Variants in WDPCP observed in about 807,000 individuals in gnomAD.
The protein encoded by WDPCP is WD repeat-containing and planar cell polarity effector protein fritz homolog.
In WDPCP, 71 loss-of-function variants were observed where a neutral mutation model predicts 93.1. That is an observed-to-expected ratio of 0.76 (90% CI 0.63 to 0.93). The LOEUF (loss-of-function observed/expected upper bound fraction) is 0.93, where lower values mean the gene tolerates loss of function less well. WDPCP is among the 40% of genes least tolerant of loss of function. The pLI is 0.00. For missense variants in WDPCP, 844 were observed against 887.4 expected (o/e 0.95, Z 0.62); for synonymous variants, 315 against 315.0 (o/e 1.00, Z 0.00).
At chr2:63,776,991 T>C (rs1209189956) in intron 2 of WDPCP, among the ~76,000 whole-genome samples, 1 of 152,190 alleles carries the variant, frequency 6.6e-6, no homozygotes, top group Admixed American at 6.6e-5. Context: ...TAAGTTCTGG[T>C]GTCCTATTGC....
chr2:63,764,479 A>G (rs535857980), intron 2 of WDPCP, among the ~76,000 whole-genome samples: 6 of 152,124 alleles, frequency 3.9e-5, no homozygotes, highest in Non-Finnish European at 8.8e-5. Context: ...GGAAGACCAA[A>G]ATGTCAACTG....
intron 2 of WDPCP, among the ~76,000 whole-genome samples, chr2:63,790,786 G>A (rs1028296133): frequency 9.9e-5 from 15 of 152,106 alleles, no homozygotes; most frequent in South Asian, 4.1e-4. Context: ...AATGACATAA[G>A]GAAAATAACT....
intron 12 of WDPCP, among the ~76,000 whole-genome samples, chr2:63,327,002 T>G (rs1386706576): frequency 6.6e-6 from 1 of 152,136 alleles, no homozygotes; most frequent in East Asian, 1.9e-4. Context: ...CCCATAGCCT[T>G]CCTATCAAAA....
intron 2 of WDPCP, among the ~76,000 whole-genome samples, chr2:63,729,755 A>T (rs1448473603): frequency 6.6e-6 from 1 of 152,198 alleles, no homozygotes; most frequent in East Asian, 1.9e-4. Context: ...AGCAGTTTTA[A>T]CCAAATTTCT....
intron 12 of WDPCP, among the ~76,000 whole-genome samples, chr2:63,340,602 G>A (rs1327026074): frequency 3.9e-5 from 6 of 152,152 alleles, no homozygotes; most frequent in Non-Finnish European, 8.8e-5. Context: ...TTCCAGTATA[G>A]AAACTGTGAA....
At chr2:63,346,038 A>T (rs1689169167) in intron 12 of WDPCP, among the ~76,000 whole-genome samples, 1 of 152,190 alleles carries the variant, frequency 6.6e-6, no homozygotes, top group African/African-American at 2.4e-5. Flanking sequence ...GATTAAGAGG[A>T]TGCTTGAACA....
intron 14 of WDPCP, among the ~76,000 whole-genome samples, chr2:63,231,197 T>C (rs561169180): frequency 1.1e-4 from 17 of 152,248 alleles, no homozygotes; most frequent in African/African-American, 3.6e-4. Flanking sequence ...ATAAGAGCTA[T>C]TTATGACAAA....
chr2:63,136,534 A>G (rs1457974426), intron 17 of WDPCP, among the ~76,000 whole-genome samples: 1 of 152,164 alleles, frequency 6.6e-6, no homozygotes, highest in Admixed American at 6.5e-5. Context: ...AGGAGTATAA[A>G]CAAATATTCT....
At chr2:63,794,558 T>C (rs927651462) in intron 2 of WDPCP, among the ~76,000 whole-genome samples, 2 of 152,232 alleles carry the variant, frequency 1.3e-5, no homozygotes, top group Admixed American at 1.3e-4. Flanking sequence ...TATTTGTTAC[T>C]ATCATCCTAT....
At position 63,785,359 on chromosome 2, in the gene WDPCP, C is replaced by G. The variant is rs975833363; in HGVS notation, n.308+28263G>C. On this transcript the variant is annotated intron_variant and non_coding_transcript_variant, in intron 2 of 4. Transcript: ENST00000467687. ...TCACATTCACTGCTTTTCCCTTTCT[C>G]TGGTGTGGAGAGCTGAACTCATTCA... 2.0e-5 allele frequency among the ~76,000 whole-genome samples: 3 copies of G among 152,138 alleles called. No individual in the cohort carries two copies. In the South Asian group the frequency reaches 6.2e-4, roughly 32 times the overall value.
chr2:63,575,885 T>G (rs1374036829), intron 1 of WDPCP, among the ~76,000 whole-genome samples: 1 of 152,076 alleles, frequency 6.6e-6, no homozygotes, highest in Non-Finnish European at 1.5e-5. Context: ...CTAGACTAAC[T>G]CTGGCATTTT....
At chr2:63,836,147 A>T in the WDPCP span, among the ~76,000 whole-genome samples, 7 of 152,204 alleles carry the variant, frequency 4.6e-5, no homozygotes, top group African/African-American at 1.7e-4. Context: ...GAGCCATTGC[A>T]CCCAGCTGAG....
At chr2:63,674,661 T>C (rs1710383014) in intron 2 of WDPCP, among the ~76,000 whole-genome samples, 1 of 151,918 alleles carries the variant, frequency 6.6e-6, no homozygotes, top group African/African-American at 2.4e-5. Flanking sequence ...CTGTATTCTA[T>C]GTACCCTTAG....
At chr2:63,377,915 C>T (rs1691991297) in intron 12 of WDPCP, 1 of 158,258 alleles carries the variant, frequency 6.3e-6, no homozygotes, top group African/African-American at 2.4e-5. Flanking sequence ...TTATTATACC[C>T]ATTTAAAGCA....
chr2:63,397,838 T>C (rs1009989110), intron 10 of WDPCP, among the ~76,000 whole-genome samples: 10 of 152,114 alleles, frequency 6.6e-5, no homozygotes, highest in Non-Finnish European at 1.3e-4. Context: ...AAGGCAATGT[T>C]CAGTATTATT....
intron 2 of WDPCP, among the ~76,000 whole-genome samples, chr2:63,782,347 C>G (rs1670407586): frequency 6.6e-6 from 1 of 152,080 alleles, no homozygotes; most frequent in Non-Finnish European, 1.5e-5. Flanking sequence ...TTCTACACAG[C>G]AAAAGAAATA....
At chr2:63,777,822 G>T (rs112580713) in intron 2 of WDPCP, among the ~76,000 whole-genome samples, 7 of 152,274 alleles carry the variant, frequency 4.6e-5, no homozygotes, top group African/African-American at 1.7e-4. Flanking sequence ...TTTAAGGGGT[G>T]ATGGAGATGT....
intron 2 of WDPCP, among the ~76,000 whole-genome samples, chr2:63,689,896 C>T (rs1326359507): frequency 6.6e-6 from 1 of 152,142 alleles, no homozygotes; most frequent in Non-Finnish European, 1.5e-5. Flanking sequence ...GTGTACTGCA[C>T]AGAAGCAATA....
chr2:63,413,259 C>T (rs1385864184), intron 9 of WDPCP, among the ~76,000 whole-genome samples: 1 of 152,112 alleles, frequency 6.6e-6, no homozygotes, highest in African/African-American at 2.4e-5. Context: ...CATACAAAAA[C>T]ATACAGTGGG....
Sources: gnomAD v4.1 joint callset for allele counts (sites outside exome capture counted in the v4.1 genomes callset) on GRCh38, gnomAD v4.1.1 for gene constraint, MANE v1.5 for transcripts, NCBI Gene and HGNC (gene_info 2026-07-23, HGNC 2026-07-21) for gene names.